Variants in RAB26 observed in about 807,000 individuals in gnomAD.
The protein encoded by RAB26 is RAB26, member RAS oncogene family.
Under a neutral mutation model 33.1 loss-of-function variants are expected in RAB26, and 39 were observed. That is an observed-to-expected ratio of 1.18 (90% CI 0.91 to 1.54). The LOEUF is 1.54. Among genes scored for constraint, RAB26 ranks in the 40% most tolerant of loss-of-function variants. The pLI is 0.00. For synonymous variants in RAB26, 192 were observed against 151.9 expected, an observed-to-expected ratio of 1.26 and a Z score of -1.94; for missense variants, 468 against 362.9, an observed-to-expected ratio of 1.29 and a Z score of -2.35.
rs1245540088 is a variant in RAB26 at position 2,148,669 on chromosome 16, C to CCGT, written c.-113_-112insTCG. 7.5e-4 allele frequency: 746 copies of CCGT among 994,100 alleles called. 1 individual carries two copies. Among genetic ancestry groups the CCGT allele is most frequent in the Non-Finnish European group, 8.4e-4 (676 of 800,686 alleles). The allele number at this position is 994,100 out of a possible 1,614,324, so 61.6% of individuals were successfully genotyped here. On this transcript the variant is annotated 5_prime_UTR_variant, in exon 1 of 9. Coordinates refer to ENST00000210187, the MANE Select transcript of RAB26 (RefSeq NM_014353.5). Reference sequence around the variant, plus strand: ...GATGATGCCGCCGCCGCCGCCGCCGCCGCCGCCGCCGCCAGGGGAAGGGTT... The same window carrying CCGT: ...GATGATGCCGCCGCCGCCGCCGCCGCCGTCGCCGCCGCCGCCAGGGGAAGGGTT...
Position 2,149,967 on chromosome 16 carries a change from G to C in RAB26, c.222G>C (p.Val74=), listed in dbSNP as rs1379984885. ...FKVMLVGDSG[V]GKTCLLVRFK... is the part of the protein sequence containing the mutation. ...TCATGCTGGTGGGGGACTCGGGTGT[G>C]GGGAAGACCTGTCTGCTGGTGCGAT... Residue 74 remains valine (V), a synonymous_variant, in exon 2 of 9, where the codon GTG becomes GTC. Coordinates refer to ENST00000210187, the MANE Select transcript of RAB26 (RefSeq NM_014353.5). The C allele has an allele frequency of 1.9e-6, 3 of 1,540,586 alleles. No homozygotes were observed. The South Asian group carries it at 3.7e-5, about 19-fold the overall frequency.
chr16:2,152,846 C>T lies in RAB26; in HGVS notation c.495C>T (p.Tyr165=), dbSNP rs766622378. 17 of 1,607,312 alleles carry T rather than the reference C, an allele frequency of 1.1e-5. No individual in the cohort carries two copies. The highest frequency in any genetic ancestry group is 3.4e-5 in the Admixed American group (2 of 58,996). The stretch of plus-strand genomic sequence containing the variant: ...CCTGGCTGACCGAGATCCACGAGTA[C>T]GCCCAGCACGACGTGGCGCTCATGC... ...IQAWLTEIHE[Y]AQHDVALMLL... The change falls in exon 6 of 9, where the codon TAC becomes TAT. Residue 165 remains tyrosine, a synonymous_variant. Transcript: ENST00000210187.
chr16:2,153,092 G>T (rs774476393), intron 7 of RAB26, 47 bp downstream of exon 7: 2 of 1,613,024 alleles, frequency 1.2e-6, no homozygotes, highest in African/African-American at 1.3e-5. Context: ...TGGAGGCTGC[G>T]AGCCTAGGCT....
At chr16:2,151,943 G>T in intron 5 of RAB26, 35 bp downstream of exon 5, 4 of 1,612,692 alleles carry the variant, frequency 2.5e-6, no homozygotes, top group Non-Finnish European at 3.4e-6. Context: ...AAAGGGCCCT[G>T]ATAGGGCCTG....
chr16:2,153,886 G>A lies in RAB26; in HGVS notation c.*465G>A, dbSNP rs1165504741. 1 of 456,638 alleles carries A rather than the reference G, an allele frequency of 2.2e-6. No individual in the cohort carries two copies. The highest frequency in any genetic ancestry group is 2.0e-5 in the African/African-American group (1 of 50,242). 28.3% of individuals were successfully genotyped at this position (456,638 alleles called of 1,614,324 possible). Reference sequence around the variant, plus strand: ...CATCTGTGTGTCCTGGGAGCTGCCTGCTCCCGGCCCACCCTCTAGGAGGCT... The same window carrying A: ...CATCTGTGTGTCCTGGGAGCTGCCTACTCCCGGCCCACCCTCTAGGAGGCT... On this transcript the variant is annotated 3_prime_UTR_variant, in exon 9 of 9. Transcript: ENST00000210187.
chr16:2,153,220 A>G lies in RAB26; in HGVS notation c.666A>G (p.Ala222=), dbSNP rs751250523. 5 of 1,613,818 alleles carry G rather than the reference A, an allele frequency of 3.1e-6. No individual in the cohort carries two copies. The highest frequency in any genetic ancestry group is 1.6e-4 in the Middle Eastern group (1 of 6,062). ...LNVDLAFTAI[A]KELKQRSMKA... ...TGGACTTGGCCTTCACAGCCATAGC[A>G]AAGTAAGTCCTGCCAGTCACCAGGA... Residue 222 remains alanine (A), a splice_region_variant and synonymous_variant, in exon 8 of 9, where the codon GCA becomes GCG. Transcript: ENST00000210187.
Position 2,153,715 on chromosome 16 carries a change from G to A in RAB26, c.*294G>A, listed in dbSNP as rs751480047. 16 of 587,706 alleles carry A rather than the reference G, an allele frequency of 2.7e-5. No individual in the cohort carries two copies. The highest frequency in any genetic ancestry group is 2.1e-4 in the South Asian group (14 of 65,742). 36.4% of individuals were successfully genotyped at this position (587,706 alleles called of 1,614,324 possible). On this transcript the variant is annotated 3_prime_UTR_variant, in exon 9 of 9. Coordinates refer to ENST00000210187, the MANE Select transcript of RAB26 (RefSeq NM_014353.5). ...TGCTCTGCTGCCCCCTCCTGGGCAC[G>A]TCCAGGTGAGGGAGGGCTGGGGCTG...
chr16:2,149,899 C>G (rs937303064), intron 1 of RAB26, 42 bp from the exon 2 acceptor site: 2 of 1,449,218 alleles, frequency 1.4e-6, no homozygotes, highest in Non-Finnish European at 1.8e-6. Context: ...CAGGCCAGCT[C>G]AGGGCAGACC....
rs2093017128 is a variant in RAB26 at position 2,154,008 on chromosome 16, A to G, written c.*587A>G. On this transcript the variant is annotated 3_prime_UTR_variant, in exon 9 of 9. Coordinates refer to ENST00000210187, the MANE Select transcript of RAB26 (RefSeq NM_014353.5). Reference sequence around the variant, plus strand: ...GAAATCACAGAAAACACCAGAAACAACAACTGCCAGCCCGGCCTGGCCACA... The same window carrying G: ...GAAATCACAGAAAACACCAGAAACAGCAACTGCCAGCCCGGCCTGGCCACA... The G allele has an allele frequency of 1.6e-4, 59 of 360,198 alleles. No individual in the cohort carries two copies. Among genetic ancestry groups the G allele is most frequent in the South Asian group, 1.2e-3 (59 of 48,964 alleles). 22.3% of individuals were successfully genotyped at this position (360,198 alleles called of 1,614,324 possible).
intron 2 of RAB26, 23 bp downstream of exon 2, chr16:2,150,074 C>A: frequency 6.6e-7 from 1 of 1,525,922 alleles, no homozygotes; most frequent in Non-Finnish European, 8.8e-7. Context: ...CCTGGCCTGG[C>A]CCCACATCAG....
chr16:2,152,856 G>T lies in RAB26; in HGVS notation c.505G>T (p.Asp169Tyr), dbSNP rs758496849. The change falls in exon 6 of 9, where the codon GAC becomes TAC. Residue 169 changes from aspartate to tyrosine, a missense_variant. Physicochemically the swap from Asp to Tyr is radical, Grantham distance 160 (BLOSUM62 -3). Coordinates refer to ENST00000210187, the MANE Select transcript of RAB26 (RefSeq NM_014353.5). The part of the protein sequence containing the change: ...LTEIHEYAQH[D>Y]VALMLLGNKV... ...CGAGATCCACGAGTACGCCCAGCAC[G>T]ACGTGGCGCTCATGCTGCTGGGGAA... 6 of 1,607,788 alleles carry T rather than the reference G, an allele frequency of 3.7e-6. No individual in the cohort carries two copies. Among genetic ancestry groups the T allele is most frequent in the Middle Eastern group, 1.7e-4 (1 of 5,826 alleles).
intron 7 of RAB26, 38 bp from the exon 8 acceptor site, chr16:2,153,108 C>T (rs1201837226): frequency 6.2e-6 from 10 of 1,613,012 alleles, no homozygotes; most frequent in Middle Eastern, 1.6e-4. Flanking sequence ...AGGCTGTCCC[C>T]GCCAGGCCAC....
At position 2,148,777 on chromosome 16, in the gene RAB26, G is replaced by A. The variant is rs1003321389; in HGVS notation, c.-7G>A. 3 of 1,312,686 alleles carry A rather than the reference G, an allele frequency of 2.3e-6. No individual in the cohort carries two copies. Among genetic ancestry groups the A allele is most frequent in the Admixed American group, 4.0e-5 (1 of 24,804 alleles). 81.3% of individuals were successfully genotyped at this position (1,312,686 alleles called of 1,614,324 possible). On this transcript the variant is annotated 5_prime_UTR_variant, in exon 1 of 9. Coordinates refer to ENST00000210187, the MANE Select transcript of RAB26 (RefSeq NM_014353.5). ...TGCAGCGGGAGCACACTGAGCGCCC[G>A]CCCGCCATGTCCAGGAAGAAGACCC...
intron 2 of RAB26, chr16:2,151,328 G>GT: frequency 3.2e-6 from 2 of 621,944 alleles, no homozygotes; most frequent in Admixed American, 4.9e-5. Flanking sequence ...AAGAGGCCTG[G>GT]TGGGGTCATG....
In RAB26 at chr16:2,153,977, A is replaced by G; in HGVS notation, c.*556A>G. On this transcript the variant is annotated 3_prime_UTR_variant, in exon 9 of 9. Transcript: ENST00000210187. ...AGGATGCCTGTGGCCTTGTGATAAA[A>G]TGTGGGAAATCACAGAAAACACCAG... 1 of 368,020 alleles carries G rather than the reference A, an allele frequency of 2.7e-6. No individual in the cohort carries two copies. Among genetic ancestry groups the G allele is most frequent in the Non-Finnish European group, 5.5e-6 (1 of 183,408 alleles). The allele number at this position is 368,020 out of a possible 1,614,324, so 22.8% of individuals were successfully genotyped here. A position where few individuals can be genotyped will look rare whatever the true frequency, so the allele number is the denominator to read the frequency against.
rs140048498 is a variant in RAB26 at position 2,152,927 on chromosome 16, C to A, written c.534+42C>A. On this transcript the variant is annotated intron_variant, in intron 6 of 8. Coordinates refer to ENST00000210187, the MANE Select transcript of RAB26 (RefSeq NM_014353.5). Reference sequence around the variant, plus strand: ...TCCTCACCTGGGCCACAGGGCAGGGCAGGTGAGGGGGCAGGGGCCAACCAT... The same window carrying A: ...TCCTCACCTGGGCCACAGGGCAGGGAAGGTGAGGGGGCAGGGGCCAACCAT... 2,391 of 1,591,050 alleles carry A rather than the reference C, an allele frequency of 1.5e-3. 30 individuals are homozygous for A. The African/African-American group carries it at 0.027, about 18-fold the overall frequency.
chr16:2,149,039 G>T, intron 1 of RAB26, 61 bp downstream of exon 1: 1 of 1,251,436 alleles, frequency 8.0e-7, no homozygotes, highest in Non-Finnish European at 1.0e-6. Context: ...TGAGCCAAGG[G>T]TTGGGGGTCG....
rs1240143423 is a variant in RAB26, at chr16:2,152,802, G to A, written c.469-18G>A. ...AAGCCATGCAGGGAGCCCCAGCCTG[G>A]TCTGCTGCCTCCCACAGGCCTGGCT... On this transcript the variant is annotated intron_variant, in intron 5 of 8. Transcript: ENST00000210187. 6.2e-7 allele frequency: 1 copy of A among 1,601,834 alleles called. No individual in the cohort carries two copies. Among genetic ancestry groups the A allele is most frequent in the Non-Finnish European group, 8.5e-7 (1 of 1,176,516 alleles).
chr16:2,150,865 C>G (rs1159599789), intron 2 of RAB26, among the ~76,000 whole-genome samples: 3 of 152,354 alleles, frequency 2.0e-5, no homozygotes, highest in South Asian at 2.1e-4. Context: ...ACTCTGACAG[C>G]AGGAGCTCAG....
Sources: allele counts gnomAD v4.1 joint callset (sites outside exome capture counted in the v4.1 genomes callset), GRCh38; gene constraint gnomAD v4.1.1; transcripts MANE v1.5; gene names NCBI Gene and HGNC (gene_info 2026-07-23, HGNC 2026-07-21).